HEATR4: variants seen among roughly 807,000 people sequenced by gnomAD.
HEATR4 encodes the protein HEAT repeat-containing protein 4.
A neutral mutation model predicts 108.8 loss-of-function variants in HEATR4; 95 were observed. The observed-to-expected ratio is 0.87, with a 90% CI of 0.74 to 1.04. The LOEUF (loss-of-function observed/expected upper bound fraction) is 1.04. Ranked by LOEUF, HEATR4 falls within the 50% of genes least tolerant of loss-of-function variation. The pLI, the probability that HEATR4 is intolerant of heterozygous loss-of-function variation, is 0.00. For missense variants in HEATR4, 1,152 were observed against 1,253.8 expected (o/e 0.92, Z 1.23); for synonymous variants, 443 against 459.4 (o/e 0.96, Z 0.46).
At chr14:73,524,601 G>C (rs1888214689) in intron 2 of HEATR4, among the ~76,000 whole-genome samples, 1 of 150,318 alleles carries the variant, frequency 6.7e-6, no homozygotes, top group South Asian at 2.1e-4. Context: ...CTGAGGTTCA[G>C]AGAGGTAGGT....
intron 5 of HEATR4, among the ~76,000 whole-genome samples, chr14:73,517,685 G>A (rs1319557946): frequency 4.0e-5 from 5 of 125,528 alleles, no homozygotes; most frequent in African/African-American, 6.1e-5. Context: ...AAAAAAAGAA[G>A]AAGAAAAGAG....
chr14:73,491,072 C>T (rs770805382), intron 17 of HEATR4: 8 of 1,594,950 alleles, frequency 5.0e-6, no homozygotes, highest in Non-Finnish European at 6.8e-6. Flanking sequence ...GCCGAAGCGC[C>T]GGCGCAAGCC....
chr14:73,599,172 C>G, the HEATR4 span, among the ~76,000 whole-genome samples: 1 of 151,966 alleles, frequency 6.6e-6, no homozygotes, highest in Non-Finnish European at 1.5e-5. Context: ...GTGAAAAACA[C>G]CTCCAGATCA....
rs768636996 is a variant in HEATR4 at position 73,495,327 on chromosome 14, T to G, written c.2686A>C (p.Met896Leu). ...THKILKLEMV[M>L]GKVREEAKRV... ...TTTGCTTCCTCCCTCACTTTTCCCA[T>G]GACCATCTCCAGCTTGAGTATTTTG... The change falls in exon 16 of 18, where the codon ATG becomes CTG. Residue 896 changes from methionine (M) to leucine (L), a missense_variant. Physicochemically the swap from Met to Leu is conservative, Grantham distance 15 (BLOSUM62 2). Transcript: ENST00000553558. 8 of 1,613,932 alleles carry G rather than the reference T, an allele frequency of 5.0e-6. No homozygotes were observed. Among genetic ancestry groups the G allele is most frequent in the Non-Finnish European group, 5.9e-6 (7 of 1,179,930 alleles).
chr14:73,556,310 A>G (rs1463104227), intron 1 of HEATR4, among the ~76,000 whole-genome samples: 1 of 111,350 alleles, frequency 9.0e-6, no homozygotes, highest in Non-Finnish European at 2.0e-5. Flanking sequence ...CCGTAATCCC[A>G]GCTACTCAGG....
the HEATR4 span, chr14:73,592,331 G>A: frequency 6.2e-7 from 1 of 1,605,842 alleles, no homozygotes; most frequent in Non-Finnish European, 8.5e-7. Flanking sequence ...GCCAGGCGCA[G>A]CACGAGCGCC....
intron 17 of HEATR4, chr14:73,491,489 G>A: frequency 6.7e-7 from 1 of 1,503,596 alleles, no homozygotes; most frequent in Non-Finnish European, 8.8e-7. Context: ...CTTAGCGGCC[G>A]TCCAGTCGTC....
chr14:73,498,299 A>G lies in HEATR4; in HGVS notation c.2402T>C (p.Leu801Pro), dbSNP rs190615108. 6 of 1,611,914 alleles carry G rather than the reference A, an allele frequency of 3.7e-6. No individual in the cohort carries two copies. The highest frequency in any genetic ancestry group is 5.1e-6 in the Non-Finnish European group (6 of 1,178,290). The stretch of plus-strand genomic sequence containing the variant: ...CTCTTCATAGTGGATAGCCCAGAGC[A>G]GAAGATCCGTCAGCTCGGGACTTAC... ...GQVSPELTDL[L>P]LWAIHYEESP... is the part of the protein sequence containing the mutation. The change falls in exon 14 of 18, where the codon CTG becomes CCG. Residue 801 changes from leucine (L) to proline (P), a missense_variant. Coordinates refer to ENST00000553558, the MANE Select transcript of HEATR4 (RefSeq NM_001220484.1).
chr14:73,628,769 T>A, the HEATR4 span, among the ~76,000 whole-genome samples: 44 of 140,124 alleles, frequency 3.1e-4, no homozygotes, highest in African/African-American at 9.7e-4. Context: ...AAAAAAAAAA[T>A]TTGCCACAGC....
intron 1 of HEATR4, among the ~76,000 whole-genome samples, chr14:73,535,507 T>G (rs1320025547): frequency 1.4e-5 from 1 of 69,436 alleles, no homozygotes; most frequent in Non-Finnish European, 2.7e-5. Flanking sequence ...TTTTTTTTTT[T>G]GCCCAGGCTG....
intron 2 of HEATR4, among the ~76,000 whole-genome samples, chr14:73,529,647 A>C (rs529055727): frequency 6.6e-6 from 1 of 152,170 alleles, no homozygotes; most frequent in Non-Finnish European, 1.5e-5. Flanking sequence ...ATTTAGTTCT[A>C]CTTTTCTGTT....
At chr14:73,517,784 G>A (rs1353244911) in intron 5 of HEATR4, among the ~76,000 whole-genome samples, 1 of 151,702 alleles carries the variant, frequency 6.6e-6, no homozygotes, top group Admixed American at 6.6e-5. Flanking sequence ...AAAAAGGAAG[G>A]GAGGAAGGAG....
In HEATR4 at chr14:73,487,846, G is replaced by C. The variant is rs1373594450; in HGVS notation, c.2844+5220C>G. ...GGCTTTAATTAGGGTTTTGACAAAA[G>C]ATAATTGGGGGACAATATGCAGAGG... On this transcript the variant is annotated intron_variant, in intron 17 of 17. Coordinates refer to ENST00000553558, the MANE Select transcript of HEATR4 (RefSeq NM_001220484.1). 2.0e-5 allele frequency among the ~76,000 whole-genome samples: 3 copies of C among 152,192 alleles called. 1 individual carries two copies. Among genetic ancestry groups the C allele is most frequent in the Non-Finnish European group, 4.4e-5 (3 of 68,038 alleles).
At chr14:73,588,166 A>C in the HEATR4 span, among the ~76,000 whole-genome samples, 12 of 151,946 alleles carry the variant, frequency 7.9e-5, no homozygotes, top group Non-Finnish European at 1.6e-4. Flanking sequence ...CACGCCAGCT[A>C]ATTTTTGTAT....
At chr14:73,563,322 C>T (rs1462963173), upstream of HEATR4, among the ~76,000 whole-genome samples, 1 of 152,060 alleles carries the variant, frequency 6.6e-6, no homozygotes, top group East Asian at 1.9e-4. Context: ...GGGCCAGACG[C>T]AGTGGCTCAC....
chr14:73,493,578 C>T (rs1476707607), intron 16 of HEATR4, among the ~76,000 whole-genome samples: 1 of 152,128 alleles, frequency 6.6e-6, no homozygotes, highest in Non-Finnish European at 1.5e-5. Flanking sequence ...GTACTCATGC[C>T]TGTAATCCTA....
intron 6 of HEATR4, 38 bp from the exon 7 acceptor site, chr14:73,512,187 G>C: frequency 6.2e-7 from 1 of 1,611,130 alleles, no homozygotes; most frequent in Non-Finnish European, 8.5e-7. Flanking sequence ...AGAACCACCT[G>C]GTTAGGGTTA....
the HEATR4 span, among the ~76,000 whole-genome samples, chr14:73,625,340 G>C: frequency 7.3e-5 from 11 of 151,600 alleles, no homozygotes; most frequent in African/African-American, 2.7e-4. Context: ...TTACAGGTGT[G>C]AGCCACCGCG....
At chr14:73,573,030 T>C in the HEATR4 span, among the ~76,000 whole-genome samples, 3 of 151,616 alleles carry the variant, frequency 2.0e-5, no homozygotes, top group Non-Finnish European at 4.4e-5. Flanking sequence ...TCATTCAGAA[T>C]GAGTAGCCTT....
Sources: allele counts gnomAD v4.1 joint callset (sites outside exome capture counted in the v4.1 genomes callset), GRCh38; gene constraint gnomAD v4.1.1; transcripts MANE v1.5; gene names NCBI Gene and HGNC (gene_info 2026-07-23, HGNC 2026-07-21).